The following GRID2 variants were observed in gnomAD, a reference collection of about 807,000 sequenced individuals.
GRID2 encodes the protein glutamate receptor ionotropic, delta-2.
A neutral mutation model predicts 114.8 loss-of-function variants in GRID2; 33 were observed. That is an observed-to-expected ratio of 0.29 (90% CI 0.22 to 0.38). The LOEUF (loss-of-function observed/expected upper bound fraction) is 0.38, where lower values mean the gene tolerates loss of function less well. GRID2 is among the 10% of genes least tolerant of loss of function. The pLI is 1.00. For missense variants in GRID2, 1,184 were observed against 1,257.7 expected, an observed-to-expected ratio of 0.94 and a Z score of 0.89; for synonymous variants, 505 against 449.9, an observed-to-expected ratio of 1.12 and a Z score of -1.55.
intron 13 of GRID2, among the ~76,000 whole-genome samples, chr4:93,591,497 G>A (rs1052962790): frequency 2.0e-5 from 3 of 152,094 alleles, no homozygotes; most frequent in African/African-American, 4.8e-5. Flanking sequence ...TGTTCATCAG[G>A]GATATGGGTC....
chr4:93,373,972 T>C (rs1241406227), intron 8 of GRID2, among the ~76,000 whole-genome samples: 1 of 152,170 alleles, frequency 6.6e-6, no homozygotes, highest in African/African-American at 2.4e-5. Flanking sequence ...TAGGGTATAT[T>C]GATACTAGTA....
At chr4:93,631,511 C>T (rs1446684195) in intron 14 of GRID2, among the ~76,000 whole-genome samples, 3 of 152,124 alleles carry the variant, frequency 2.0e-5, no homozygotes, top group Non-Finnish European at 4.4e-5. Context: ...TGATGGTTTC[C>T]ACCTTCATCT....
At chr4:92,578,107 C>A (rs62310092) in intron 1 of GRID2, among the ~76,000 whole-genome samples, 35,220 of 109,132 alleles carry the variant, frequency 0.32, 5,602 homozygotes, top group Middle Eastern at 0.41. Flanking sequence ...TCTTCTTCTT[C>A]TTCTTCTTTT....
At chr4:93,379,871 C>T (rs951369029) in intron 8 of GRID2, among the ~76,000 whole-genome samples, 1 of 152,046 alleles carries the variant, frequency 6.6e-6, no homozygotes, top group Non-Finnish European at 1.5e-5. Context: ...AATTGAGATA[C>T]ACAAAGCATC....
chr4:93,005,201 AT>A (rs1357844883), intron 2 of GRID2, among the ~76,000 whole-genome samples: 5 of 152,018 alleles, frequency 3.3e-5, no homozygotes, highest in Non-Finnish European at 7.4e-5. Context: ...TCCTCTCTTA[AT>A]TTTTTAAATT....
chr4:93,414,545 A>C (rs1767515311), intron 9 of GRID2, among the ~76,000 whole-genome samples: 1 of 152,060 alleles, frequency 6.6e-6, no homozygotes, highest in East Asian at 1.9e-4. Flanking sequence ...TGCTGTATTT[A>C]TACTTACTCT....
chr4:93,426,851 A>G (rs1768896176), intron 10 of GRID2, among the ~76,000 whole-genome samples: 1 of 152,054 alleles, frequency 6.6e-6, no homozygotes. Flanking sequence ...AAAATATAAA[A>G]TTATTCATTG....
intron 2 of GRID2, among the ~76,000 whole-genome samples, chr4:92,949,820 G>C (rs1751900215): frequency 6.6e-6 from 1 of 151,862 alleles, no homozygotes; most frequent in Admixed American, 6.6e-5. Flanking sequence ...CCATGAGTAT[G>C]AGATGAAGAG....
At chr4:93,211,547 T>C (rs542331472) in intron 5 of GRID2, among the ~76,000 whole-genome samples, 1 of 152,224 alleles carries the variant, frequency 6.6e-6, no homozygotes, top group East Asian at 1.9e-4. Context: ...AGGAGATAAT[T>C]AAGGAGACCT....
intron 1 of GRID2, among the ~76,000 whole-genome samples, chr4:92,377,240 TCA>T (rs758039233): frequency 1.6e-4 from 24 of 152,106 alleles, no homozygotes; most frequent in Non-Finnish European, 3.1e-4. Context: ...ATACCCAAAA[TCA>T]TCTCTCTCAA....
intron 2 of GRID2, among the ~76,000 whole-genome samples, chr4:92,959,251 C>T (rs1335985018): frequency 6.6e-6 from 1 of 151,284 alleles, no homozygotes; most frequent in Non-Finnish European, 1.5e-5. Context: ...TTAATTTCCT[C>T]TCCTTTTCCT....
Position 93,359,869 on chromosome 4 carries a change from TAAAAAAAAAAAAAAAA to T in GRID2, c.1246-35721_1246-35706del, listed in dbSNP as rs1158118048. ...CAAAAGGGCATAGATAAGGAAGGTG[TAAAAAAAAAAAAAAAA>T]AAAAAAAAAAAAAAAATGGGGTCAA... On this transcript the variant is annotated intron_variant, in intron 8 of 15. Transcript: ENST00000282020. 5.5e-4 allele frequency among the ~76,000 whole-genome samples: 13 copies of T among 23,628 alleles called. No homozygotes were observed. The South Asian group carries it at 0.029, about 53-fold the overall frequency. The allele number at this position is 23,628 out of a possible 152,430, so 15.5% of individuals were successfully genotyped here. A position where few individuals can be genotyped will look rare whatever the true frequency, so the allele number is the denominator to read the frequency against.
chr4:92,837,179 C>T (rs970181432), intron 2 of GRID2, among the ~76,000 whole-genome samples: 3 of 152,082 alleles, frequency 2.0e-5, no homozygotes, highest in East Asian at 1.9e-4. Flanking sequence ...TGAATGGTAA[C>T]GACACAATCC....
intron 2 of GRID2, among the ~76,000 whole-genome samples, chr4:93,074,949 A>G (rs1729126147): frequency 6.6e-6 from 1 of 152,168 alleles, no homozygotes. Flanking sequence ...ATATGCCTGT[A>G]TATGTTTTTA....
chr4:93,116,407 A>G (rs1733263561), intron 4 of GRID2, among the ~76,000 whole-genome samples: 1 of 152,196 alleles, frequency 6.6e-6, no homozygotes, highest in Non-Finnish European at 1.5e-5. Context: ...CACTATAAAT[A>G]TTGTTCACTG....
chr4:92,821,537 T>G (rs2149387706), intron 2 of GRID2, among the ~76,000 whole-genome samples: 1 of 152,264 alleles, frequency 6.6e-6, no homozygotes, highest in Non-Finnish European at 1.5e-5. Flanking sequence ...TGATTTCAGT[T>G]AATACCCTGG....
At chr4:92,405,523 A>G (rs955926350) in intron 1 of GRID2, among the ~76,000 whole-genome samples, 4 of 152,014 alleles carry the variant, frequency 2.6e-5, no homozygotes, top group Admixed American at 2.6e-4. Context: ...ATATTCAAGT[A>G]TTTCTTTTTC....
At chr4:92,536,702 C>T (rs933909905) in intron 1 of GRID2, among the ~76,000 whole-genome samples, 2 of 152,038 alleles carry the variant, frequency 1.3e-5, no homozygotes, top group Admixed American at 6.6e-5. Flanking sequence ...TAATTTTCTT[C>T]CCAGATTTTT....
chr4:93,520,540 T>G (rs1730228694), intron 13 of GRID2, among the ~76,000 whole-genome samples: 1 of 152,078 alleles, frequency 6.6e-6, no homozygotes, highest in South Asian at 2.1e-4. Flanking sequence ...AGAAGCTAGC[T>G]TGGCATACTG....
Sources: gnomAD v4.1 joint callset for allele counts (sites outside exome capture counted in the v4.1 genomes callset) on GRCh38, gnomAD v4.1.1 for gene constraint, MANE v1.5 for transcripts, NCBI Gene and HGNC (gene_info 2026-07-23, HGNC 2026-07-21) for gene names.